The following CPSF4 variants were observed in gnomAD, a reference collection of about 807,000 sequenced individuals.
The protein encoded by CPSF4 is cleavage and polyadenylation specificity factor subunit 4.
In CPSF4, 11 loss-of-function variants were observed where a neutral mutation model predicts 37.7. That is an observed-to-expected ratio of 0.29 (90% CI 0.18 to 0.48). The LOEUF (loss-of-function observed/expected upper bound fraction) is 0.48. CPSF4 is among the 20% of genes least tolerant of loss of function. CPSF4 has a pLI of 0.99. For missense variants in CPSF4, 144 were observed against 359.5 expected, an observed-to-expected ratio of 0.40 and a Z score of 4.85; for synonymous variants, 132 against 135.9, an observed-to-expected ratio of 0.97 and a Z score of 0.20.
chr7:99,453,846 G>C lies in CPSF4; in HGVS notation c.571-120G>C, dbSNP rs1056058652. On this transcript the variant is annotated intron_variant, in intron 6 of 7. Transcript: ENST00000292476. This position sits in a 1 kb window ranked among gnomAD's most constrained non-coding sequence, Gnocchi z 4.7. ...GCCCACTGTCCTGAGGTGGGCCGTC[G>C]TGGAAGCCCTGCTTCCTGCCGTTTG... 9.9e-6 allele frequency: 9 copies of C among 908,562 alleles called. No individual in the cohort carries two copies. Among genetic ancestry groups the C allele is most frequent in the Non-Finnish European group, 1.0e-5 (6 of 581,664 alleles). 56.3% of individuals were successfully genotyped at this position (908,562 alleles called of 1,614,324 possible). A position where few individuals can be genotyped will look rare whatever the true frequency, so the allele number is the denominator to read the frequency against.
At chr7:99,447,435 AT>A (rs541108392) in intron 2 of CPSF4, among the ~76,000 whole-genome samples, 8 of 148,768 alleles carry the variant, frequency 5.4e-5, no homozygotes, top group Non-Finnish European at 7.4e-5. Flanking sequence ...AGCCGGGCTA[AT>A]TTTTTTTGTA....
chr7:99,454,274 AG>A, intron 7 of CPSF4, 138 bp downstream of exon 7: 2 of 821,686 alleles, frequency 2.4e-6, no homozygotes, highest in Non-Finnish European at 3.7e-6. Context: ...GTTACAGTCT[AG>A]TTACCATCCA....
intron 1 of CPSF4, among the ~76,000 whole-genome samples, chr7:99,441,035 C>T (rs1238841852): frequency 3.3e-5 from 5 of 150,624 alleles, no homozygotes; most frequent in Non-Finnish European, 5.9e-5. Context: ...ACTGCAACCT[C>T]CACCTCCCAG....
At chr7:99,451,374 A>G (rs1214412115) in intron 5 of CPSF4, among the ~76,000 whole-genome samples, 3 of 152,240 alleles carry the variant, frequency 2.0e-5, no homozygotes, top group African/African-American at 7.2e-5. Context: ...TGGGAGGCAG[A>G]GGAAGGCGGA....
At chr7:99,455,698 T>C (rs1031796855) in intron 7 of CPSF4, among the ~76,000 whole-genome samples, 2 of 152,074 alleles carry the variant, frequency 1.3e-5, no homozygotes, top group Non-Finnish European at 2.9e-5. Context: ...TTAGGAGTCA[T>C]AGAGTAAAGA....
intron 1 of CPSF4, among the ~76,000 whole-genome samples, chr7:99,442,670 A>C (rs1344441939): frequency 8.3e-5 from 12 of 144,082 alleles, no homozygotes; most frequent in South Asian, 6.3e-4. Flanking sequence ...AAAAAAAAAA[A>C]AAAAACAAAA....
At chr7:99,440,676 T>TA (rs1562852973) in intron 1 of CPSF4, among the ~76,000 whole-genome samples, 1,022 of 62,016 alleles carry the variant, frequency 0.016, 19 homozygotes, top group Admixed American at 0.053. Flanking sequence ...ATATATATAT[T>TA]TTTTTTTTTT....
At chr7:99,439,294 T>G in intron 1 of CPSF4, 109 bp downstream of exon 1, 1 of 755,334 alleles carries the variant, frequency 1.3e-6, no homozygotes, top group Non-Finnish European at 2.1e-6. Context: ...CCCGGCTTCC[T>G]CTGGATCCTG....
intron 5 of CPSF4, 129 bp downstream of exon 5, chr7:99,450,924 A>C: frequency 1.5e-6 from 1 of 663,974 alleles, no homozygotes; most frequent in African/African-American, 1.8e-5. Flanking sequence ...GGGTGGGGGC[A>C]GGAGATGGGG....
At chr7:99,440,508 C>T (rs1041899823) in intron 1 of CPSF4, among the ~76,000 whole-genome samples, 81 of 151,600 alleles carry the variant, frequency 5.3e-4, no homozygotes, top group African/African-American at 1.8e-3. Flanking sequence ...ACCAACACGC[C>T]TGGCAAATTT....
Position 99,446,578 on chromosome 7 carries a change from T to C in CPSF4, c.155-1543T>C, listed in dbSNP as rs950358036. ...GTCCCTCCATGTGTATACATCACAT[T>C]TCCTCAATTCTGAAATTGGTCTTTC... On this transcript the variant is annotated intron_variant, in intron 2 of 7. Transcript: ENST00000292476. Among the ~76,000 whole-genome samples the C allele has an allele frequency of 7.3e-5, 11 of 151,478 alleles. No homozygotes were observed. In the South Asian group the frequency reaches 2.3e-3, roughly 32 times the overall value.
chr7:99,440,373 CA>C lies in CPSF4; in HGVS notation c.103+1189del, dbSNP rs538961641. 4.1e-3 allele frequency among the ~76,000 whole-genome samples: 622 copies of C among 152,084 alleles called. 3 individuals are homozygous for C. The highest frequency in any genetic ancestry group is 0.013 in the African/African-American group (535 of 41,440). On this transcript the variant is annotated intron_variant, in intron 1 of 7. Coordinates refer to ENST00000292476, the MANE Select transcript of CPSF4 (RefSeq NM_006693.4). ...TGTTGTTGTTTGTTTGCTTTTGAGACAGGGGCCCCTCTGTCGCCCAGGCTGG... is the reference window on the plus strand; with the variant it reads ...TGTTGTTGTTTGTTTGCTTTTGAGACGGGGCCCCTCTGTCGCCCAGGCTGG...
rs974639928 is a variant in CPSF4 at position 99,443,520 on chromosome 7, C to A, written c.104-1269C>A. 5 of 707,478 alleles carry A rather than the reference C, an allele frequency of 7.1e-6. No individual in the cohort carries two copies. The East Asian group carries it at 1.3e-4, about 18-fold the overall frequency. 43.8% of individuals were successfully genotyped at this position (707,478 alleles called of 1,614,324 possible). On this transcript the variant is annotated intron_variant, in intron 1 of 7. Coordinates refer to ENST00000292476, the MANE Select transcript of CPSF4 (RefSeq NM_006693.4). ...ATCTTGTTACCCCTCCGGGTGTGCT[C>A]TTTTAATAATTGTATGTGGGGTGGG...
intron 7 of CPSF4, among the ~76,000 whole-genome samples, chr7:99,455,360 G>A (rs557115211): frequency 1.8e-4 from 28 of 152,218 alleles, no homozygotes; most frequent in African/African-American, 6.0e-4. Context: ...ACAGCCCATC[G>A]GCAGCCTCTC....
At chr7:99,442,557 G>A (rs529131075) in intron 1 of CPSF4, among the ~76,000 whole-genome samples, 2 of 149,834 alleles carry the variant, frequency 1.3e-5, no homozygotes, top group South Asian at 4.2e-4. Context: ...TCGGGAGGCT[G>A]AGGCAGGAGA....
chr7:99,450,770 G>A lies in CPSF4; in HGVS notation c.472G>A (p.Glu158Lys), dbSNP rs1487125835. The A allele has an allele frequency of 1.2e-6, 2 of 1,613,770 alleles. No individual in the cohort carries two copies. The highest frequency in any genetic ancestry group is 1.7e-6 in the Non-Finnish European group (2 of 1,179,930). The part of the protein sequence containing the change: ...CVNYLVGFCP[E>K]GPSCKFMHPR... Reference sequence around the variant, plus strand: ...GAATTACCTCGTGGGATTCTGCCCGGAGGGGCCCTCGTGTAAATTCATGCA... The same window carrying A: ...GAATTACCTCGTGGGATTCTGCCCGAAGGGGCCCTCGTGTAAATTCATGCA... The change falls in exon 5 of 8, where the codon GAG becomes AAG. Residue 158 changes from glutamate to lysine, a missense_variant. Around this residue, in one of 4 missense-constraint regions of CPSF4, gnomAD observed 86 missense variants for 141.5 expected, o/e 0.61. Transcript: ENST00000292476.
At chr7:99,440,674 A>ATATATATATATATATTTTTTTTTTT in intron 1 of CPSF4, among the ~76,000 whole-genome samples, 1 of 88,086 alleles carries the variant, frequency 1.1e-5, no homozygotes, top group African/African-American at 9.7e-5. Flanking sequence ...ATATATATAT[A>ATATATATATATATATTTTTTTTTTT]TTTTTTTTTT....
intron 1 of CPSF4, among the ~76,000 whole-genome samples, chr7:99,441,095 C>T (rs990623456): frequency 6.6e-6 from 1 of 151,714 alleles, no homozygotes; most frequent in Non-Finnish European, 1.5e-5. Context: ...GGATTATAGG[C>T]GCCCACCACC....
chr7:99,455,208 G>C (rs148575430), intron 7 of CPSF4, among the ~76,000 whole-genome samples: 1,941 of 152,304 alleles, frequency 0.013, 21 homozygotes, highest in Middle Eastern at 0.037. Flanking sequence ...GACCGCCCCT[G>C]TCCACAGCCT....
Sources: gnomAD v4.1 joint callset for allele counts (sites outside exome capture counted in the v4.1 genomes callset) on GRCh38, gnomAD v4.1.1 for gene constraint, gnomAD v4.1.1 regional missense constraint, Gnocchi (gnomAD v3.1) non-coding constraint, MANE v1.5 for transcripts, NCBI Gene and HGNC (gene_info 2026-07-23, HGNC 2026-07-21) for gene names.